The following MINDY2 variants were observed in gnomAD, a reference collection of about 807,000 sequenced individuals.
The protein encoded by MINDY2 is MINDY lysine 48 deubiquitinase 2.
MINDY2 carries 52 observed loss-of-function variants against 68.2 expected under a neutral mutation model. The ratio of observed to expected loss-of-function variants is 0.76; its 90% CI spans 0.61 to 0.96. The LOEUF is 0.96. MINDY2 is among the 40% of genes least tolerant of loss of function. MINDY2 has a pLI of 0.00. For synonymous variants in MINDY2, 372 were observed against 303.0 expected (o/e 1.23, Z -2.36); for missense variants, 881 against 773.4 (o/e 1.14, Z -1.65).
rs1486210677 is a variant in MINDY2 at position 58,861,029 on chromosome 15, ACAGT to A, written c.*6423_*6426del. ...GAGATTGGTGTGTGAATGCTACAAAACAGTCAGCAAAAGGAATCATGTTTGCTTG... is the reference window on the plus strand; with the variant it reads ...GAGATTGGTGTGTGAATGCTACAAAACAGCAAAAGGAATCATGTTTGCTTG... On this transcript the variant is annotated 3_prime_UTR_variant, in exon 9 of 9. Transcript: ENST00000559228. The A allele has an allele frequency of 4.6e-5, 7 of 151,432 alleles. No homozygotes were observed. Among genetic ancestry groups the A allele is most frequent in the African/African-American group, 1.7e-4 (7 of 40,946 alleles). 9.4% of individuals were successfully genotyped at this position (151,432 alleles called of 1,614,324 possible).
At chr15:58,805,139 A>T (rs1595730961) in intron 3 of MINDY2, among the ~76,000 whole-genome samples, 1 of 152,236 alleles carries the variant, frequency 6.6e-6, no homozygotes, top group African/African-American at 2.4e-5. Context: ...TGCATTTCTC[A>T]TAAACATATC....
At chr15:58,797,659 C>G (rs1902374204) in intron 2 of MINDY2, among the ~76,000 whole-genome samples, 1 of 152,304 alleles carries the variant, frequency 6.6e-6, no homozygotes, top group South Asian at 2.1e-4. Context: ...CACTCCATAG[C>G]TCTTATCTTC....
In MINDY2 at chr15:58,827,677, C is replaced by T. The variant is rs868725255; in HGVS notation, c.1226-4097C>T. 3.3e-5 allele frequency among the ~76,000 whole-genome samples: 5 copies of T among 152,196 alleles called. No homozygotes were observed. In the Middle Eastern group the frequency reaches 0.014, roughly 414 times the overall value. On this transcript the variant is annotated intron_variant, in intron 5 of 8. Transcript: ENST00000559228. Reference sequence around the variant, plus strand: ...GACAGGGTTTCACCGTGGTCTCGATCTCCTGACCTCGTGATTCTCCCGCCT... The same window carrying T: ...GACAGGGTTTCACCGTGGTCTCGATTTCCTGACCTCGTGATTCTCCCGCCT...
At chr15:58,774,132 A>G (rs563294481) in intron 1 of MINDY2, among the ~76,000 whole-genome samples, 12 of 152,342 alleles carry the variant, frequency 7.9e-5, no homozygotes, top group African/African-American at 2.9e-4. Context: ...TTCAATTCAG[A>G]CAGATTCAAG....
intron 8 of MINDY2, among the ~76,000 whole-genome samples, chr15:58,853,832 A>T (rs1250051901): frequency 6.6e-6 from 1 of 151,660 alleles, no homozygotes; most frequent in Non-Finnish European, 1.5e-5. Flanking sequence ...AAAAAAAAAA[A>T]AAAAAAAAAA....
intron 6 of MINDY2, among the ~76,000 whole-genome samples, chr15:58,840,034 A>T (rs1456629596): frequency 6.6e-6 from 1 of 151,938 alleles, no homozygotes; most frequent in African/African-American, 2.4e-5. Flanking sequence ...GGGTTTTGTC[A>T]TATTGCCCAG....
intron 1 of MINDY2, among the ~76,000 whole-genome samples, chr15:58,780,203 G>C (rs1363755370): frequency 6.6e-6 from 1 of 152,036 alleles, no homozygotes; most frequent in Non-Finnish European, 1.5e-5. Flanking sequence ...TCAGGAGTTT[G>C]AGACCAGCCT....
intron 6 of MINDY2, among the ~76,000 whole-genome samples, chr15:58,839,798 A>G (rs2032188284): frequency 6.8e-6 from 1 of 147,410 alleles, no homozygotes; most frequent in African/African-American, 2.5e-5. Flanking sequence ...ATCTTTATCT[A>G]TTTATTTATT....
At chr15:58,828,478 C>T (rs190307083) in intron 5 of MINDY2, among the ~76,000 whole-genome samples, 2 of 151,740 alleles carry the variant, frequency 1.3e-5, no homozygotes, top group African/African-American at 4.8e-5. Context: ...ACCTCTGTAA[C>T]TTCACCATCT....
At chr15:58,803,102 C>A (rs1179637812) in intron 3 of MINDY2, among the ~76,000 whole-genome samples, 3 of 152,166 alleles carry the variant, frequency 2.0e-5, no homozygotes, top group African/African-American at 7.2e-5. Context: ...AAAAAGAAAG[C>A]ATAACTCATT....
At chr15:58,794,356 G>GC (rs1902135629) in intron 2 of MINDY2, among the ~76,000 whole-genome samples, 1 of 92,852 alleles carries the variant, frequency 1.1e-5, no homozygotes. Flanking sequence ...AGTTTTTTTT[G>GC]GGGTGTGTGT....
Position 58,851,913 on chromosome 15 carries a change from A to C in MINDY2, c.1685A>C (p.Gln562Pro). ...EEDRRASQYY[Q>P]EQEQAAAAAA... ...GACAGACGGGCTTCTCAATACTATC[A>C]GGAACAGGAACAAGCAGCAGCTGCT... The change falls in exon 8 of 9, where the codon CAG (glutamine) becomes CCG (proline). Residue 562 changes from glutamine to proline, a missense_variant. Coordinates refer to ENST00000559228, the MANE Select transcript of MINDY2 (RefSeq NM_001040450.3). 1.2e-6 allele frequency: 2 copies of C among 1,604,270 alleles called. No individual in the cohort carries two copies. Among genetic ancestry groups the C allele is most frequent in the Non-Finnish European group, 1.7e-6 (2 of 1,177,776 alleles).
chr15:58,772,675 A>G (rs1900514839), intron 1 of MINDY2, among the ~76,000 whole-genome samples: 2 of 152,198 alleles, frequency 1.3e-5, no homozygotes, highest in African/African-American at 4.8e-5. Flanking sequence ...TTGATTTCCA[A>G]CTAATGCCCC....
chr15:58,810,539 C>T (rs2030163944), intron 4 of MINDY2, 151 bp downstream of exon 4: 2 of 699,636 alleles, frequency 2.9e-6, no homozygotes, highest in African/African-American at 3.7e-5. Flanking sequence ...CAGAGTCCTC[C>T]AGACTACTAA....
chr15:58,819,086 C>T (rs1157948969), intron 4 of MINDY2, among the ~76,000 whole-genome samples: 2 of 152,146 alleles, frequency 1.3e-5, no homozygotes, highest in Non-Finnish European at 2.9e-5. Context: ...TCAAGCGATC[C>T]TTTCCTCAGC....
rs1900401858 is a variant in MINDY2 at position 58,771,629 on chromosome 15, C to T, written c.234C>T (p.Pro78=). 1 of 1,612,416 alleles carries T rather than the reference C, an allele frequency of 6.2e-7. No homozygotes were observed. The highest frequency in any genetic ancestry group is 1.1e-5 in the South Asian group (1 of 91,080). ...SPAGSPEVPG[P]CSSSAGLDLK... ...CGGGCTCTCCTGAGGTTCCCGGACC[C>T]TGCAGCTCCTCCGCGGGTTTGGACT... is the stretch of plus-strand genomic sequence containing the variant. The change falls in exon 1 of 9, where the codon CCC becomes CCT. Residue 78 remains proline (P), a synonymous_variant. Coordinates refer to ENST00000559228, the MANE Select transcript of MINDY2 (RefSeq NM_001040450.3).
intron 6 of MINDY2, 36 bp downstream of exon 6, chr15:58,831,952 A>G (rs2031750571): frequency 3.2e-6 from 5 of 1,573,664 alleles, no homozygotes; most frequent in Non-Finnish European, 4.3e-6. Context: ...TCGTGATTCT[A>G]AATCAAAGGA....
At chr15:58,813,950 T>A (rs980157821) in intron 4 of MINDY2, among the ~76,000 whole-genome samples, 6 of 119,618 alleles carry the variant, frequency 5.0e-5, no homozygotes, top group African/African-American at 1.4e-4. Flanking sequence ...TTTTTTTTTT[T>A]AATTTGAGAT....
intron 2 of MINDY2, among the ~76,000 whole-genome samples, chr15:58,797,613 A>G (rs1319473297): frequency 6.6e-6 from 1 of 152,238 alleles, no homozygotes; most frequent in Non-Finnish European, 1.5e-5. Flanking sequence ...CGTGGCTTGC[A>G]TTATATTTCA....
Sources: gnomAD v4.1 joint callset for allele counts (sites outside exome capture counted in the v4.1 genomes callset) on GRCh38, gnomAD v4.1.1 for gene constraint, MANE v1.5 for transcripts, NCBI Gene and HGNC (gene_info 2026-07-23, HGNC 2026-07-21) for gene names.